The following P2RY8 variants were observed in gnomAD, a reference collection of about 807,000 sequenced individuals.
P2RY8 encodes the protein S-geranylgeranyl-glutathione receptor P2RY8.
Under a neutral mutation model 10.0 loss-of-function variants are expected in P2RY8, and 6 were observed. That is an observed-to-expected ratio of 0.60 (90% CI 0.33 to 1.19). The LOEUF (loss-of-function observed/expected upper bound fraction) is 1.19, where lower values mean the gene tolerates loss of function less well. Ranked by LOEUF, P2RY8 falls within the 50% of genes most tolerant of loss-of-function variation. The probability of loss-of-function intolerance (pLI) is 0.04; values close to 1 mark genes in which losing one functional copy is unlikely to be tolerated. For missense variants in P2RY8, 456 were observed against 542.0 expected, an observed-to-expected ratio of 0.84 and a Z score of 1.58; for synonymous variants, 276 against 252.5, an observed-to-expected ratio of 1.09 and a Z score of -0.88.
At position 1,496,426 on chromosome X, in the gene P2RY8, C is replaced by T. The variant is rs529529123; in HGVS notation, c.-24-29844G>A. Reference sequence around the variant, plus strand: ...CTCACAGCCACAGCCACAGCCCTCCCGGGTGCGACTCCCTGGGATCCTGCC... The same window carrying T: ...CTCACAGCCACAGCCACAGCCCTCCTGGGTGCGACTCCCTGGGATCCTGCC... On this transcript the variant is annotated intron_variant, in intron 1 of 1. Transcript: ENST00000381297. Among the ~76,000 whole-genome samples the T allele has an allele frequency of 6.3e-4, 96 of 152,314 alleles. 1 individual carries two copies. In the South Asian group the frequency reaches 0.011, roughly 18 times the overall value.
intron 1 of P2RY8, among the ~76,000 whole-genome samples, chrX:1,488,041 T>C (rs1366260253): frequency 5.3e-5 from 8 of 150,308 alleles, no homozygotes; most frequent in Admixed American, 4.6e-4. Context: ...ACCTGGGAGG[T>C]GGAGGTTGCG....
At chrX:1,496,074 A>T (rs1251524309) in intron 1 of P2RY8, among the ~76,000 whole-genome samples, 1 of 152,188 alleles carries the variant, frequency 6.6e-6, no homozygotes, top group East Asian at 1.9e-4. Context: ...CAGTCCACCC[A>T]GTTTGCAGTG....
In P2RY8 at chrX:1,521,839, C is replaced by T. The variant is rs754452900; in HGVS notation, c.-25+15082G>A. Among the ~76,000 whole-genome samples the T allele has an allele frequency of 6.6e-5, 10 of 151,074 alleles. No homozygotes were observed. The East Asian group carries it at 1.4e-3, about 21-fold the overall frequency. On this transcript the variant is annotated intron_variant, in intron 1 of 1. Coordinates refer to ENST00000381297, the MANE Select transcript of P2RY8 (RefSeq NM_178129.5). ...ACAACCTCCTAATTCCTGTGCAGCC[C>T]GAAAAGGGTCCCGCGAAGAGTGTTT...
At chrX:1,468,758 C>T (rs1180011113) in intron 1 of P2RY8, among the ~76,000 whole-genome samples, 8 of 412 alleles carry the variant, frequency 0.019, no homozygotes, top group East Asian at 0.12. Flanking sequence ...TCTCCCCTCT[C>T]CCCTCTCCCC....
chrX:1,512,831 G>T (rs1423072219), intron 1 of P2RY8, among the ~76,000 whole-genome samples: 1 of 86,572 alleles, frequency 1.2e-5, no homozygotes, highest in African/African-American at 3.5e-5. Context: ...CCCTTCACAT[G>T]TGGAAATTAT....
intron 1 of P2RY8, among the ~76,000 whole-genome samples, chrX:1,473,985 G>A (rs1363738464): frequency 3.3e-5 from 5 of 151,338 alleles, no homozygotes; most frequent in East Asian, 2.0e-4. Flanking sequence ...GTGGATGGAC[G>A]GATGCATGGA....
chrX:1,505,950 T>A (rs2092228666), intron 1 of P2RY8, among the ~76,000 whole-genome samples: 1 of 152,002 alleles, frequency 6.6e-6, no homozygotes, highest in South Asian at 2.1e-4. Flanking sequence ...AAAGAATATC[T>A]TTTTTACATT....
chrX:1,484,945 T>A (rs2091973755), intron 1 of P2RY8, among the ~76,000 whole-genome samples: 2 of 150,734 alleles, frequency 1.3e-5, no homozygotes, highest in South Asian at 2.1e-4. Context: ...GGTGGAGAAT[T>A]TGTTAAGCAA....
chrX:1,524,805 T>TCATCCATC (rs756684695), intron 1 of P2RY8, among the ~76,000 whole-genome samples: 3 of 76,816 alleles, frequency 3.9e-5, no homozygotes, highest in African/African-American at 1.5e-4. Context: ...ATCCATCCAC[T>TCATCCATC]CATCCATCCA....
intron 1 of P2RY8, among the ~76,000 whole-genome samples, chrX:1,482,489 C>G (rs3922990): frequency 0.16 from 24,341 of 152,022 alleles, 2,192 homozygotes; most frequent in Non-Finnish European, 0.2. Context: ...GGTTCGCAGG[C>G]TTGACTTCCT....
chrX:1,497,657 A>T (rs2092130976), intron 1 of P2RY8, among the ~76,000 whole-genome samples: 1 of 118,868 alleles, frequency 8.4e-6, no homozygotes, highest in Non-Finnish European at 1.6e-5. Context: ...CTCTGTCTCA[A>T]AATAAATAAA....
At chrX:1,475,173 GGATGGGTT>G (rs2091861612) in intron 1 of P2RY8, among the ~76,000 whole-genome samples, 1 of 151,098 alleles carries the variant, frequency 6.6e-6, no homozygotes, top group Admixed American at 6.6e-5. Flanking sequence ...GTGGATGAAT[GGATGGGTT>G]GATGGGTAGA....
In P2RY8 at chrX:1,463,926, T is replaced by C. The variant is rs1463402875; in HGVS notation, c.*1553A>G. The C allele has an allele frequency of 3.0e-5, 7 of 233,186 alleles. No individual in the cohort carries two copies. The highest frequency in any genetic ancestry group is 3.4e-5 in the Non-Finnish European group (4 of 118,064). 14.4% of individuals were successfully genotyped at this position (233,186 alleles called of 1,614,324 possible). ...CTTAATTACATTTGGAAAGACCCGA[T>C]TTTCAAACATGGTCCCATCCTGATG... On this transcript the variant is annotated 3_prime_UTR_variant, in exon 2 of 2. Coordinates refer to ENST00000381297, the MANE Select transcript of P2RY8 (RefSeq NM_178129.5).
intron 1 of P2RY8, among the ~76,000 whole-genome samples, chrX:1,477,696 G>A: frequency 6.6e-6 from 1 of 152,186 alleles, no homozygotes; most frequent in Non-Finnish European, 1.5e-5. Flanking sequence ...ACAGTACACA[G>A]GATGGCCCCA....
chrX:1,512,038 A>G (rs1312002617), intron 1 of P2RY8, among the ~76,000 whole-genome samples: 1 of 151,918 alleles, frequency 6.6e-6, no homozygotes. Context: ...ATCACACCAG[A>G]TATGTAAGCA....
intron 1 of P2RY8, among the ~76,000 whole-genome samples, chrX:1,518,481 TA>T (rs1382083731): frequency 2.0e-5 from 3 of 149,002 alleles, no homozygotes; most frequent in East Asian, 1.9e-4. Context: ...ATATATATAA[TA>T]AAAAATAATA....
At chrX:1,534,798 C>G (rs1242325799) in intron 1 of P2RY8, among the ~76,000 whole-genome samples, 4 of 152,098 alleles carry the variant, frequency 2.6e-5, no homozygotes, top group African/African-American at 9.7e-5. Context: ...GTTGTTAATC[C>G]TAAGCCATCG....
chrX:1,516,160 G>A (rs1253859682), intron 1 of P2RY8, among the ~76,000 whole-genome samples: 3 of 151,070 alleles, frequency 2.0e-5, no homozygotes, highest in East Asian at 3.9e-4. Flanking sequence ...TTGCACCACT[G>A]CACTCCAGCC....
intron 1 of P2RY8, among the ~76,000 whole-genome samples, chrX:1,508,670 T>C: frequency 8.1e-6 from 1 of 124,072 alleles, no homozygotes; most frequent in South Asian, 2.5e-4. Context: ...CTGTATGTAT[T>C]TATCTATCCA....
Sources: allele counts gnomAD v4.1 joint callset (sites outside exome capture counted in the v4.1 genomes callset), GRCh38; gene constraint gnomAD v4.1.1; transcripts MANE v1.5; gene names NCBI Gene and HGNC (gene_info 2026-07-23, HGNC 2026-07-21).